Variants in LIMK1 observed in about 807,000 individuals in gnomAD.
The protein encoded by LIMK1 is LIM motif-containing protein kinase.
A neutral mutation model predicts 77.6 loss-of-function variants in LIMK1; 21 were observed. The observed-to-expected ratio is 0.27, with a 90% CI of 0.19 to 0.39. The LOEUF (loss-of-function observed/expected upper bound fraction) is 0.39, where lower values mean the gene tolerates loss of function less well. LIMK1 is among the 10% of genes least tolerant of loss of function. The pLI is 1.00. For synonymous variants in LIMK1, 358 were observed against 370.0 expected (o/e 0.97, Z 0.37); for missense variants, 696 against 901.6 (o/e 0.77, Z 2.92).
intron 2 of LIMK1, among the ~76,000 whole-genome samples, chr7:74,093,596 C>T (rs887591134): frequency 6.6e-6 from 1 of 152,198 alleles, no homozygotes; most frequent in Admixed American, 6.5e-5. Context: ...CCACCGCTGT[C>T]TCCCAGCCCA....
chr7:74,096,814 C>G lies in LIMK1; in HGVS notation c.291+54C>G. The G allele has an allele frequency of 2.6e-6, 4 of 1,533,194 alleles. No individual in the cohort carries two copies. In the South Asian group the frequency reaches 5.1e-5, roughly 20 times the overall value. 95.0% of individuals were successfully genotyped at this position (1,533,194 alleles called of 1,614,324 possible). On this transcript the variant is annotated intron_variant, in intron 3 of 15. Coordinates refer to ENST00000336180, the MANE Select transcript of LIMK1 (RefSeq NM_002314.4). Reference sequence around the variant, plus strand: ...CTGGGGTGGGGGTATCCAAGCAGACCCCATGCTCCAGGTCTCTCTCCCATC... The same window carrying G: ...CTGGGGTGGGGGTATCCAAGCAGACGCCATGCTCCAGGTCTCTCTCCCATC...
intron 2 of LIMK1, among the ~76,000 whole-genome samples, chr7:74,095,332 A>G (rs1412645645): frequency 6.6e-6 from 1 of 152,030 alleles, no homozygotes; most frequent in African/African-American, 2.4e-5. Context: ...CTGTACCCTG[A>G]CCCAGACATG....
At chr7:74,108,580 G>A (rs555612725) in intron 9 of LIMK1, among the ~76,000 whole-genome samples, 3 of 151,668 alleles carry the variant, frequency 2.0e-5, no homozygotes, top group East Asian at 1.9e-4. Context: ...CTCAGGAGGC[G>A]GAGGTTGCAG....
At chr7:74,118,989 G>A (rs1050064930) in intron 13 of LIMK1, among the ~76,000 whole-genome samples, 3 of 151,896 alleles carry the variant, frequency 2.0e-5, no homozygotes, top group East Asian at 1.9e-4. Context: ...TCCGCCTCCC[G>A]GGTTCACACC....
chr7:74,088,665 G>C (rs1799181148), intron 2 of LIMK1, among the ~76,000 whole-genome samples: 1 of 151,964 alleles, frequency 6.6e-6, no homozygotes, highest in Admixed American at 6.6e-5. Context: ...AGCCAGGCAT[G>C]GTGGCACATG....
At chr7:74,091,518 A>G (rs964193799) in intron 2 of LIMK1, among the ~76,000 whole-genome samples, 16 of 152,188 alleles carry the variant, frequency 1.1e-4, no homozygotes, top group African/African-American at 3.6e-4. Flanking sequence ...CACTGTCTCA[A>G]ATTTTTAAAA....
intron 5 of LIMK1, among the ~76,000 whole-genome samples, chr7:74,101,062 C>T (rs1350296742): frequency 5.9e-5 from 9 of 152,294 alleles, no homozygotes; most frequent in East Asian, 1.9e-4. Flanking sequence ...TTTCATTTGA[C>T]GCAGTGAATG....
At chr7:74,119,544 G>A (rs538449112) in intron 13 of LIMK1, among the ~76,000 whole-genome samples, 2 of 152,068 alleles carry the variant, frequency 1.3e-5, no homozygotes, top group African/African-American at 4.8e-5. Context: ...TAAGGAAACT[G>A]AGGCTCAGAG....
At chr7:74,095,189 A>T (rs1280034858) in intron 2 of LIMK1, among the ~76,000 whole-genome samples, 1 of 152,110 alleles carries the variant, frequency 6.6e-6, no homozygotes, top group Non-Finnish European at 1.5e-5. Context: ...TCCAGGTCCC[A>T]GTCTTTCCTA....
rs1554697811 is a variant in LIMK1, at chr7:74,107,208, AG to A, written c.1065+18del. On this transcript the variant is annotated intron_variant, in intron 8 of 15. Transcript: ENST00000336180. ...AGGCTATCAAGGTACAGAGCATGCCAGGGTCTCAGGGGACAGTCTGGGTGGG... is the reference window on the plus strand; with the variant it reads ...AGGCTATCAAGGTACAGAGCATGCCAGGTCTCAGGGGACAGTCTGGGTGGG... 1 of 1,593,364 alleles carries A rather than the reference AG, an allele frequency of 6.3e-7. No individual in the cohort carries two copies. The highest frequency in any genetic ancestry group is 1.1e-5 in the South Asian group (1 of 88,648).
chr7:74,084,800 C>T (rs1267939201), intron 1 of LIMK1, among the ~76,000 whole-genome samples: 1 of 152,142 alleles, frequency 6.6e-6, no homozygotes, highest in Non-Finnish European at 1.5e-5. Context: ...GGGGGCCCCT[C>T]CTTGGATCTC....
chr7:74,094,434 T>G (rs1799298471), intron 2 of LIMK1: 1 of 152,108 alleles, frequency 6.6e-6, no homozygotes, highest in Non-Finnish European at 1.5e-5. Flanking sequence ...TTACAGCAAT[T>G]CCTAATCCCC....
In LIMK1 at chr7:74,107,082, G is replaced by A; in HGVS notation, c.954G>A (p.Leu318=). Residue 318 remains leucine (L), a synonymous_variant, in exon 8 of 16, where the codon CTG becomes CTA. Coordinates refer to ENST00000336180, the MANE Select transcript of LIMK1 (RefSeq NM_002314.4). ...CCCCGGCCTCCCAGCGCAAGGACCT[G>A]GGTCGCTCTGAGTCCCTCCGCGTAG... ...LGSPASQRKD[L]GRSESLRVVC... 45 of 1,610,496 alleles carry A rather than the reference G, an allele frequency of 2.8e-5. No homozygotes were observed. The highest frequency in any genetic ancestry group is 3.7e-5 in the Non-Finnish European group (44 of 1,179,142).
chr7:74,096,533 C>CT, intron 2 of LIMK1, 89 bp from the exon 3 acceptor site: 1 of 1,539,186 alleles, frequency 6.5e-7, no homozygotes, highest in South Asian at 1.1e-5. Flanking sequence ...TGTTCTAATT[C>CT]TTACAAAGGT....
At chr7:74,112,089 C>T in intron 12 of LIMK1, 91 bp downstream of exon 12, 1 of 1,030,512 alleles carries the variant, frequency 9.7e-7, no homozygotes. Context: ...ACTGGAGGCC[C>T]CTCCATGTTG....
In LIMK1 at chr7:74,096,650, C is replaced by T. The variant is rs1799342177; in HGVS notation, c.181C>T (p.His61Tyr). ...TTGTGACTGCAGTGCCTCCCTGTCG[C>T]ACCAGTACTATGAGAAGGATGGGCA... Reference protein sequence around the residue: ...RCCDCSASLSHQYYEKDGQLF... With the variant: ...RCCDCSASLSYQYYEKDGQLF... Residue 61 changes from histidine (H) to tyrosine (Y), a missense_variant, in exon 3 of 16, where the codon CAC becomes TAC. Physicochemically the swap from His to Tyr is moderately conservative, Grantham distance 83. Coordinates refer to ENST00000336180, the MANE Select transcript of LIMK1 (RefSeq NM_002314.4). The T allele has an allele frequency of 6.2e-7, 1 of 1,614,080 alleles. No homozygotes were observed. Among genetic ancestry groups the T allele is most frequent in the Non-Finnish European group, 8.5e-7 (1 of 1,180,038 alleles).
chr7:74,100,095 C>T (rs1799424066), intron 5 of LIMK1, among the ~76,000 whole-genome samples: 1 of 152,004 alleles, frequency 6.6e-6, no homozygotes, highest in Non-Finnish European at 1.5e-5. Context: ...GCCAGGAGTT[C>T]GAAACCAGCC....
chr7:74,118,185 G>C (rs1461845548), intron 13 of LIMK1, among the ~76,000 whole-genome samples: 1 of 151,394 alleles, frequency 6.6e-6, no homozygotes, highest in Non-Finnish European at 1.5e-5. Flanking sequence ...GACCATCCTG[G>C]TCAACATGAT....
intron 14 of LIMK1, 101 bp from the exon 15 acceptor site, chr7:74,120,791 C>A: frequency 6.4e-7 from 1 of 1,558,032 alleles, no homozygotes; most frequent in Non-Finnish European, 8.8e-7. Context: ...AGTCAGGCTG[C>A]AGCCAGGCCC....
Sources: gnomAD v4.1 joint callset for allele counts (sites outside exome capture counted in the v4.1 genomes callset) on GRCh38, gnomAD v4.1.1 for gene constraint, MANE v1.5 for transcripts, NCBI Gene and HGNC (gene_info 2026-07-23, HGNC 2026-07-21) for gene names.